The following MAP1LC3B2 variants were observed in gnomAD, a reference collection of about 807,000 sequenced individuals.
MAP1LC3B2 encodes microtubule associated protein 1 light chain 3 beta 2.
For synonymous variants in MAP1LC3B2, 62 were observed against 57.8 expected (o/e 1.07, Z -0.33); for missense variants, 155 against 154.6 (o/e 1.00, Z -0.01).
At chr12:116,570,792 A>G (rs918954130) in intron 1 of MAP1LC3B2, among the ~76,000 whole-genome samples, 4 of 152,158 alleles carry the variant, frequency 2.6e-5, no homozygotes, top group African/African-American at 4.8e-5. Flanking sequence ...AGGCTAAGCT[A>G]TGATGTTTGG....
At chr12:116,562,678 C>T (rs1869301491) in intron 1 of MAP1LC3B2, among the ~76,000 whole-genome samples, 1 of 152,166 alleles carries the variant, frequency 6.6e-6, no homozygotes, top group South Asian at 2.1e-4. Context: ...TGACAATTAA[C>T]TATGTATTTG....
chr12:116,562,634 C>G (rs1170416705), intron 1 of MAP1LC3B2, among the ~76,000 whole-genome samples: 2 of 152,174 alleles, frequency 1.3e-5, no homozygotes, highest in Non-Finnish European at 2.9e-5. Context: ...ATTTTTTAAA[C>G]TTTCAAATGT....
At chr12:116,574,655 G>GAA (rs56382732) in intron 1 of MAP1LC3B2, among the ~76,000 whole-genome samples, 5 of 144,716 alleles carry the variant, frequency 3.5e-5, no homozygotes, top group African/African-American at 1.0e-4. Flanking sequence ...CAAAAAGAAA[G>GAA]AAAAAAAAAA....
chr12:116,566,241 T>G (rs1869382833), intron 1 of MAP1LC3B2, among the ~76,000 whole-genome samples: 1 of 152,230 alleles, frequency 6.6e-6, no homozygotes, highest in Non-Finnish European at 1.5e-5. Context: ...ATGCATTTCT[T>G]CTTTTCCCAC....
At chr12:116,571,361 T>G (rs928011743) in intron 1 of MAP1LC3B2, among the ~76,000 whole-genome samples, 1 of 151,128 alleles carries the variant, frequency 6.6e-6, no homozygotes, top group Admixed American at 6.7e-5. Flanking sequence ...TGCAAGAACC[T>G]TGGGGCAGTC....
At chr12:116,571,148 C>T (rs1215501774) in intron 1 of MAP1LC3B2, among the ~76,000 whole-genome samples, 1 of 152,134 alleles carries the variant, frequency 6.6e-6, no homozygotes, top group African/African-American at 2.4e-5. Flanking sequence ...ACCATGTAGT[C>T]CAGCTTTTTC....
rs1869277453 is a variant in MAP1LC3B2 at position 116,561,811 on chromosome 12, A to C, written c.-102+2378A>C. ...CTTCCCTTACACAGTTGTTGTAAGG[A>C]TGGAGCAAGTACATGCAAAGCTGTT... On this transcript the variant is annotated intron_variant, in intron 1 of 1. Transcript: ENST00000556529. 2.0e-5 allele frequency among the ~76,000 whole-genome samples: 3 copies of C among 152,252 alleles called. No homozygotes were observed. In the South Asian group the frequency reaches 6.2e-4, roughly 32 times the overall value.
intron 1 of MAP1LC3B2, among the ~76,000 whole-genome samples, chr12:116,571,930 T>A: frequency 6.7e-6 from 1 of 148,716 alleles, no homozygotes. Flanking sequence ...GAAAACAACA[T>A]ACTTCTTGTT....
In MAP1LC3B2 at chr12:116,563,635, A is replaced by G. The variant is rs141613309; in HGVS notation, c.-102+4202A>G. Among the ~76,000 whole-genome samples the G allele has an allele frequency of 3.1e-3, 472 of 152,024 alleles. 15 individuals are homozygous for G. Among genetic ancestry groups the G allele is most frequent in the Non-Finnish European group, 1.9e-3 (132 of 67,982 alleles). ...GCCTGGGCTTTGCTGAGCTTCTTGG[A>G]TCTGTAACTTTATAGTTTTTATCAA... On this transcript the variant is annotated intron_variant, in intron 1 of 1. Coordinates refer to ENST00000556529, the MANE Select transcript of MAP1LC3B2 (RefSeq NM_001085481.3).
At chr12:116,563,573 A>C (rs1004362270) in intron 1 of MAP1LC3B2, among the ~76,000 whole-genome samples, 1 of 152,162 alleles carries the variant, frequency 6.6e-6, no homozygotes, top group South Asian at 2.1e-4. Context: ...AATTTGATTA[A>C]GATGTGCCTT....
chr12:116,565,140 A>C (rs577692068), intron 1 of MAP1LC3B2, among the ~76,000 whole-genome samples: 4 of 152,250 alleles, frequency 2.6e-5, no homozygotes, highest in Non-Finnish European at 5.9e-5. Flanking sequence ...ACCAAAAAGA[A>C]GTAATAGCCA....
chr12:116,564,024 T>C (rs2136959563), intron 1 of MAP1LC3B2, among the ~76,000 whole-genome samples: 1 of 152,254 alleles, frequency 6.6e-6, no homozygotes, highest in African/African-American at 2.4e-5. Context: ...GGACTAAAGG[T>C]GCATGCCACC....
At chr12:116,563,001 G>T (rs935265093) in intron 1 of MAP1LC3B2, among the ~76,000 whole-genome samples, 46 of 152,204 alleles carry the variant, frequency 3.0e-4, no homozygotes, top group Admixed American at 2.7e-3. Context: ...CGCTCTTGTT[G>T]TCCAGGCTAG....
At chr12:116,567,038 G>T (rs1481800483) in intron 1 of MAP1LC3B2, among the ~76,000 whole-genome samples, 1 of 141,090 alleles carries the variant, frequency 7.1e-6, no homozygotes, top group Non-Finnish European at 1.5e-5. Context: ...GAAAGCAAGA[G>T]AAACGGAAAG....
In MAP1LC3B2 at chr12:116,576,399, C is replaced by T; in HGVS notation, c.*79C>T. On this transcript the variant is annotated 3_prime_UTR_variant, in exon 2 of 2. Coordinates refer to ENST00000556529, the MANE Select transcript of MAP1LC3B2 (RefSeq NM_001085481.3). ...AAAAAGGGATGTTACCAACTGAGAT[C>T]GATCAGTTCATCTAATCACAGATCA... 6 of 1,527,440 alleles carry T rather than the reference C, an allele frequency of 3.9e-6. No homozygotes were observed. Among genetic ancestry groups the T allele is most frequent in the South Asian group, 2.6e-5 (2 of 77,314 alleles). 94.6% of individuals were successfully genotyped at this position (1,527,440 alleles called of 1,614,324 possible).
chr12:116,563,676 A>G (rs1478383715), intron 1 of MAP1LC3B2, among the ~76,000 whole-genome samples: 3 of 152,236 alleles, frequency 2.0e-5, no homozygotes, highest in Non-Finnish European at 2.9e-5. Flanking sequence ...GAACATTTTT[A>G]GCCATTATTA....
chr12:116,576,448 G>C lies in MAP1LC3B2; in HGVS notation c.*128G>C. Reference sequence around the variant, plus strand: ...CATCAAACAGTAGTGTTCCCACCTAGGAGTGTTAGGAAGTTGTGTTTGTGT... The same window carrying C: ...CATCAAACAGTAGTGTTCCCACCTACGAGTGTTAGGAAGTTGTGTTTGTGT... On this transcript the variant is annotated 3_prime_UTR_variant, in exon 2 of 2. Transcript: ENST00000556529. 1 of 1,368,782 alleles carries C rather than the reference G, an allele frequency of 7.3e-7. No homozygotes were observed. Among genetic ancestry groups the C allele is most frequent in the Non-Finnish European group, 9.9e-7 (1 of 1,008,428 alleles). The allele number at this position is 1,368,782 out of a possible 1,614,324, so 84.8% of individuals were successfully genotyped here.
intron 1 of MAP1LC3B2, 40 bp from the exon 2 acceptor site, chr12:116,575,802 G>A: frequency 1.1e-6 from 1 of 905,626 alleles, no homozygotes; most frequent in Non-Finnish European, 1.7e-6. Flanking sequence ...TACAGTTTCT[G>A]CCACAACTAC....
chr12:116,560,943 C>T (rs1428308623), intron 1 of MAP1LC3B2, among the ~76,000 whole-genome samples: 2 of 152,054 alleles, frequency 1.3e-5, no homozygotes, highest in South Asian at 4.2e-4. Flanking sequence ...ATGGCTTAAC[C>T]CCATCTCTAC....
Sources: gnomAD v4.1 joint callset for allele counts (sites outside exome capture counted in the v4.1 genomes callset) on GRCh38, gnomAD v4.1.1 for gene constraint, MANE v1.5 for transcripts, NCBI Gene and HGNC (gene_info 2026-07-23, HGNC 2026-07-21) for gene names.